LRP1B: variants seen among roughly 807,000 people sequenced by gnomAD.
LRP1B encodes the protein LDL receptor related protein 1B.
In LRP1B, 217 loss-of-function variants were observed where a neutral mutation model predicts 556.6. That is an observed-to-expected ratio of 0.39 (90% confidence interval 0.35 to 0.44). LRP1B has a LOEUF of 0.44. LRP1B is among the 20% of genes least tolerant of loss of function. LRP1B has a pLI of 1.00. For synonymous variants in LRP1B, 2,047 were observed against 1,865.8 expected, an observed-to-expected ratio of 1.10 and a Z score of -2.50; for missense variants, 5,053 against 5,620.8, an observed-to-expected ratio of 0.90 and a Z score of 3.23.
chr2:141,523,269 T>C (rs1684586860), intron 2 of LRP1B, among the ~76,000 whole-genome samples: 1 of 152,078 alleles, frequency 6.6e-6, no homozygotes, highest in Non-Finnish European at 1.5e-5. Flanking sequence ...ATATAAATAT[T>C]TTAAATTGAG....
intron 1 of LRP1B, among the ~76,000 whole-genome samples, chr2:141,838,113 T>C (rs1697350341): frequency 6.6e-6 from 1 of 152,160 alleles, no homozygotes; most frequent in Non-Finnish European, 1.5e-5. Context: ...ATTGGGTACC[T>C]ACTGTCTGCC....
At chr2:141,041,454 C>G (rs1004169890) in intron 11 of LRP1B, among the ~76,000 whole-genome samples, 2 of 152,078 alleles carry the variant, frequency 1.3e-5, no homozygotes, top group Admixed American at 1.3e-4. Flanking sequence ...AGCCACCTGC[C>G]TTTCTTGGCT....
At chr2:141,720,742 T>C (rs992679927) in intron 2 of LRP1B, among the ~76,000 whole-genome samples, 2 of 150,920 alleles carry the variant, frequency 1.3e-5, no homozygotes, top group African/African-American at 4.9e-5. Context: ...GTGATTGTCT[T>C]GAAAAGAAAG....
chr2:140,420,771 T>C (rs181565149), intron 66 of LRP1B, among the ~76,000 whole-genome samples: 65 of 152,332 alleles, frequency 4.3e-4, no homozygotes, highest in African/African-American at 1.5e-3. Context: ...CTGTATGACT[T>C]GTTTTATGTA....
intron 31 of LRP1B, among the ~76,000 whole-genome samples, chr2:140,833,875 T>C (rs1183221608): frequency 6.6e-6 from 1 of 152,194 alleles, no homozygotes; most frequent in Non-Finnish European, 1.5e-5. Flanking sequence ...CTTAATTTTA[T>C]AAATGAGAAT....
Position 141,376,634 on chromosome 2 carries a change from A to G in LRP1B, c.343+103762T>C, listed in dbSNP as rs114050956. Among the ~76,000 whole-genome samples the G allele has an allele frequency of 3.8e-3, 576 of 152,318 alleles. 3 individuals are homozygous for G. The highest frequency in any genetic ancestry group is 0.013 in the African/African-American group (549 of 41,566). On this transcript the variant is annotated intron_variant, in intron 3 of 90. Transcript: ENST00000389484. ...TTTAAAATATGCATGAAAATTTTTT[A>G]ACAATTAGATTTCTAGATATTTGAA...
At chr2:140,630,855 G>A (rs1483310795) in intron 41 of LRP1B, among the ~76,000 whole-genome samples, 1 of 152,134 alleles carries the variant, frequency 6.6e-6, no homozygotes, top group Admixed American at 6.6e-5. Context: ...AAGGAGTTGG[G>A]AAGCTGAGGA....
At chr2:141,905,535 G>A (rs1171010680) in intron 1 of LRP1B, among the ~76,000 whole-genome samples, 2 of 151,520 alleles carry the variant, frequency 1.3e-5, no homozygotes, top group African/African-American at 4.8e-5. Flanking sequence ...ATTGTCAAGT[G>A]ATGGTTCTAA....
chr2:141,399,976 TTTTGGTTTGG>T (rs1223304294), intron 3 of LRP1B, among the ~76,000 whole-genome samples: 1 of 152,080 alleles, frequency 6.6e-6, no homozygotes, highest in African/African-American at 2.4e-5. Context: ...TTTTTTGTTG[TTTTGGTTTGG>T]TTTGGTTTGA....
intron 2 of LRP1B, among the ~76,000 whole-genome samples, chr2:141,672,593 T>A (rs1574224083): frequency 6.6e-6 from 1 of 151,846 alleles, no homozygotes; most frequent in East Asian, 1.9e-4. Context: ...AAAAACATTG[T>A]GAGTCAGCAC....
chr2:140,292,904 G>A (rs1253481300), intron 84 of LRP1B, among the ~76,000 whole-genome samples: 3 of 152,060 alleles, frequency 2.0e-5, no homozygotes, highest in African/African-American at 7.2e-5. Flanking sequence ...GTGCATAATT[G>A]TTTTATACGT....
intron 1 of LRP1B, among the ~76,000 whole-genome samples, chr2:141,873,873 T>A (rs80178403): frequency 0.048 from 7,275 of 151,728 alleles, 244 homozygotes; most frequent in South Asian, 0.15. Flanking sequence ...AATGAAAAAG[T>A]ACAAGTTTAA....
intron 32 of LRP1B, among the ~76,000 whole-genome samples, chr2:140,783,005 GA>G (rs1436274880): frequency 6.6e-6 from 1 of 152,070 alleles, no homozygotes. Flanking sequence ...TGCCCTATTC[GA>G]AAATAGTCTC....
intron 1 of LRP1B, among the ~76,000 whole-genome samples, chr2:141,913,656 A>T (rs1898019): frequency 0.86 from 130,874 of 152,110 alleles, 56,476 homozygotes; most frequent in East Asian, 1. Context: ...GTAAAGGAAG[A>T]TTTCGGTGTA....
intron 1 of LRP1B, among the ~76,000 whole-genome samples, chr2:141,975,694 A>G (rs2105084615): frequency 6.6e-6 from 1 of 152,228 alleles, no homozygotes. Flanking sequence ...GCAAGTGACC[A>G]GGCATTAAAC....
rs114249313 is a variant in LRP1B at position 141,527,663 on chromosome 2, T to C, written c.206-47130A>G. 6.2e-3 allele frequency among the ~76,000 whole-genome samples: 942 copies of C among 152,254 alleles called. 5 individuals are homozygous for C. The highest frequency in any genetic ancestry group is 0.022 in the African/African-American group (909 of 41,560). On this transcript the variant is annotated intron_variant, in intron 2 of 90. Coordinates refer to ENST00000389484, the MANE Select transcript of LRP1B (RefSeq NM_018557.3). ...CCAAAATGAATGAATGGTGTGTTTT[T>C]ACTTATCAAAGTAAAAAGAATGAAA... is the stretch of plus-strand genomic sequence containing the variant.
At chr2:140,607,703 G>C (rs899098738) in intron 41 of LRP1B, among the ~76,000 whole-genome samples, 1 of 151,462 alleles carries the variant, frequency 6.6e-6, no homozygotes, top group Non-Finnish European at 1.5e-5. Flanking sequence ...ATACATACAG[G>C]ACACAATTAT....
chr2:141,655,598 TTATG>T (rs1412321448), intron 2 of LRP1B, among the ~76,000 whole-genome samples: 3 of 152,174 alleles, frequency 2.0e-5, no homozygotes, highest in African/African-American at 4.8e-5. Context: ...AATGATTTAT[TTATG>T]TGTTTTAATA....
At chr2:142,070,458 C>T (rs1335919936) in intron 1 of LRP1B, among the ~76,000 whole-genome samples, 1 of 151,810 alleles carries the variant, frequency 6.6e-6, no homozygotes, top group African/African-American at 2.4e-5. Context: ...CATGTCTTTC[C>T]TTCTCTCCAA....
Sources: allele counts gnomAD v4.1 joint callset (sites outside exome capture counted in the v4.1 genomes callset), GRCh38; gene constraint gnomAD v4.1.1; transcripts MANE v1.5; gene names NCBI Gene and HGNC (gene_info 2026-07-23, HGNC 2026-07-21).